Variants in MYO3A observed in about 807,000 individuals in gnomAD.
MYO3A encodes myosin-IIIa.
In MYO3A, 180 loss-of-function variants were observed where a neutral mutation model predicts 192.7. That is an observed-to-expected ratio of 0.93 (90% confidence interval 0.83 to 1.06). The LOEUF (loss-of-function observed/expected upper bound fraction) is 1.06, where lower values mean the gene tolerates loss of function less well. Ranked by LOEUF, MYO3A falls within the 50% of genes least tolerant of loss-of-function variation. The pLI, the probability that MYO3A is intolerant of heterozygous loss-of-function variation, is 0.00. For synonymous variants in MYO3A, 628 were observed against 645.3 expected (o/e 0.97, Z 0.41); for missense variants, 1,896 against 1,905.0 (o/e 1.00, Z 0.09).
chr10:26,047,500 A>G (rs56093148), intron 10 of MYO3A, among the ~76,000 whole-genome samples: 24,653 of 152,096 alleles, frequency 0.16, 2,262 homozygotes, highest in Non-Finnish European at 0.21. Flanking sequence ...CCGGCCGGGC[A>G]CAGTGGCTCA....
intron 2 of MYO3A, among the ~76,000 whole-genome samples, chr10:25,944,787 C>T (rs1836732218): frequency 6.6e-6 from 1 of 151,890 alleles, no homozygotes; most frequent in African/African-American, 2.4e-5. Context: ...TATTTATGTC[C>T]TCTCTCCTAG....
chr10:25,973,949 A>T (rs998153195), intron 4 of MYO3A, among the ~76,000 whole-genome samples: 1 of 152,220 alleles, frequency 6.6e-6, no homozygotes, highest in African/African-American at 2.4e-5. Flanking sequence ...TGCAAGATGG[A>T]TTAAAGACTT....
intron 3 of MYO3A, among the ~76,000 whole-genome samples, chr10:25,953,213 A>G (rs1294097950): frequency 6.6e-6 from 1 of 152,004 alleles, no homozygotes; most frequent in African/African-American, 2.4e-5. Flanking sequence ...CTCATCTACT[A>G]ACTGTGAGAT....
chr10:26,114,509 C>A (rs1192443255), intron 17 of MYO3A, among the ~76,000 whole-genome samples: 1 of 152,094 alleles, frequency 6.6e-6, no homozygotes, highest in Non-Finnish European at 1.5e-5. Context: ...TTAGTGAGAT[C>A]TTTTTGTTCT....
At chr10:26,183,135 C>T (rs907641619) in intron 31 of MYO3A, among the ~76,000 whole-genome samples, 1 of 152,180 alleles carries the variant, frequency 6.6e-6, no homozygotes, top group African/African-American at 2.4e-5. Flanking sequence ...GTCTCACCCC[C>T]CACACAGGCT....
chr10:25,964,706 A>G lies in MYO3A; in HGVS notation c.303+9698A>G, dbSNP rs1838155939. ...TTACCAGTAAGTTTTGTACCATCAG[A>G]TGATTATTTATTCCTTATTAATTTT... On this transcript the variant is annotated intron_variant, in intron 4 of 34. Transcript: ENST00000642920. 1.3e-5 allele frequency among the ~76,000 whole-genome samples: 2 copies of G among 152,104 alleles called. 1 individual carries two copies. The highest frequency in any genetic ancestry group is 4.1e-4 in the South Asian group (2 of 4,824).
chr10:26,193,557 C>A (rs1843257157), intron 32 of MYO3A, among the ~76,000 whole-genome samples: 1 of 152,128 alleles, frequency 6.6e-6, no homozygotes, highest in Non-Finnish European at 1.5e-5. Context: ...GCTTTCTCTG[C>A]TGGTCCATTA....
intron 4 of MYO3A, among the ~76,000 whole-genome samples, chr10:25,992,172 C>T (rs932201691): frequency 7.9e-5 from 12 of 152,196 alleles, no homozygotes; most frequent in South Asian, 4.1e-4. Flanking sequence ...CATTTGTTTG[C>T]GTCCTCTTTT....
chr10:26,143,753 C>T lies in MYO3A; in HGVS notation c.2416+152C>T, dbSNP rs1840300491. ...TAAAGAAGAGCCTTTGGATTTAATA[C>T]CTGGACCAGTGCATGTTTATGATAG... On this transcript the variant is annotated intron_variant, in intron 21 of 34. Coordinates refer to ENST00000642920, the MANE Select transcript of MYO3A (RefSeq NM_017433.5). The T allele has an allele frequency of 5.6e-6, 5 of 892,500 alleles. No homozygotes were observed. The Admixed American group carries it at 9.5e-5, about 17-fold the overall frequency. The allele number at this position is 892,500 out of a possible 1,614,324, so 55.3% of individuals were successfully genotyped here.
At chr10:26,044,901 A>G (rs1392985412) in intron 10 of MYO3A, among the ~76,000 whole-genome samples, 1 of 152,244 alleles carries the variant, frequency 6.6e-6, no homozygotes, top group Non-Finnish European at 1.5e-5. Flanking sequence ...AAACAGATCC[A>G]TCTATTTGAC....
intron 4 of MYO3A, among the ~76,000 whole-genome samples, chr10:25,990,606 C>A (rs906374859): frequency 4.6e-5 from 7 of 151,608 alleles, no homozygotes; most frequent in African/African-American, 1.7e-4. Context: ...TGGTGTGTTG[C>A]ACCCATTAAC....
chr10:26,005,568 CA>C (rs2130959488), intron 6 of MYO3A, among the ~76,000 whole-genome samples: 1 of 152,100 alleles, frequency 6.6e-6, no homozygotes, highest in East Asian at 1.9e-4. Flanking sequence ...CAATTACAAA[CA>C]AATATATAGG....
At chr10:26,013,306 A>G (rs969120615) in intron 6 of MYO3A, among the ~76,000 whole-genome samples, 1 of 150,594 alleles carries the variant, frequency 6.6e-6, no homozygotes, top group African/African-American at 2.4e-5. Flanking sequence ...TCTTCTGCAC[A>G]GCAGAATAAA....
chr10:25,969,321 T>A (rs1381043956), intron 4 of MYO3A, among the ~76,000 whole-genome samples: 1 of 152,224 alleles, frequency 6.6e-6, no homozygotes, highest in African/African-American at 2.4e-5. Flanking sequence ...CATCTCTTAC[T>A]GTACCTAGTT....
chr10:26,077,233 G>GTTTTTTTTTTTTTTTTTTTTTTTT lies in MYO3A; in HGVS notation c.1359+6854_1359+6855insTTTTTTTTTTTTTTTTTTTTTTTT, dbSNP rs34464120. ...CTCCTTGGTTAGGTATATTCCTAAGGTTTTTTTTTTTTTTTTTTTTTTGCA... is the reference window on the plus strand; with the variant it reads ...CTCCTTGGTTAGGTATATTCCTAAGGTTTTTTTTTTTTTTTTTTTTTTTTTTTTTTTTTTTTTTTTTTTTTTGCA... On this transcript the variant is annotated intron_variant, in intron 14 of 34. Coordinates refer to ENST00000642920, the MANE Select transcript of MYO3A (RefSeq NM_017433.5). 5.0e-4 allele frequency among the ~76,000 whole-genome samples: 18 copies of GTTTTTTTTTTTTTTTTTTTTTTTT among 36,292 alleles called. 5 individuals are homozygous for GTTTTTTTTTTTTTTTTTTTTTTTT. Among genetic ancestry groups the GTTTTTTTTTTTTTTTTTTTTTTTT allele is most frequent in the Admixed American group, 6.9e-4 (2 of 2,894 alleles). 23.8% of individuals were successfully genotyped at this position (36,292 alleles called of 152,430 possible).
chr10:26,159,363 C>CT (rs60037752), intron 26 of MYO3A, among the ~76,000 whole-genome samples: 65 of 128,268 alleles, frequency 5.1e-4, no homozygotes, highest in African/African-American at 8.4e-4. Flanking sequence ...TTTTCTTTTT[C>CT]TTTTTTTTTT....
intron 19 of MYO3A, among the ~76,000 whole-genome samples, chr10:26,126,207 T>A (rs1839207345): frequency 6.6e-6 from 1 of 152,174 alleles, no homozygotes; most frequent in African/African-American, 2.4e-5. Flanking sequence ...CACGACTGAC[T>A]GAGTGCTCTC....
Position 26,070,384 on chromosome 10 carries a change from C to T in MYO3A, c.1342C>T (p.Leu448=). The T allele has an allele frequency of 6.2e-7, 1 of 1,612,872 alleles. No individual in the cohort carries two copies. ...TENAHLLVQQ[L]TVLGKANNRT... ...AAATGCTCATCTTTTAGTTCAGCAGCTGACAGTGCTTGGAAAGGTATAATT... is the reference window on the plus strand; with the variant it reads ...AAATGCTCATCTTTTAGTTCAGCAGTTGACAGTGCTTGGAAAGGTATAATT... Residue 448 remains leucine, a synonymous_variant, in exon 14 of 35, where the codon CTG becomes TTG. Coordinates refer to ENST00000642920, the MANE Select transcript of MYO3A (RefSeq NM_017433.5).
chr10:26,115,238 G>A (rs1447884978), intron 17 of MYO3A, among the ~76,000 whole-genome samples: 1 of 152,204 alleles, frequency 6.6e-6, no homozygotes, highest in Non-Finnish European at 1.5e-5. Flanking sequence ...GGATCGGCGA[G>A]TGGCAAGACC....
Sources: allele counts gnomAD v4.1 joint callset (sites outside exome capture counted in the v4.1 genomes callset), GRCh38; gene constraint gnomAD v4.1.1; transcripts MANE v1.5; gene names NCBI Gene and HGNC (gene_info 2026-07-23, HGNC 2026-07-21).